Variants in BIN1 observed in about 807,000 individuals in gnomAD.
BIN1 encodes bridging integrator 1.
Under a neutral mutation model 82.0 loss-of-function variants are expected in BIN1, and 53 were observed. The observed-to-expected ratio is 0.65, with a 90% CI of 0.52 to 0.81. BIN1 has a LOEUF of 0.81. Among genes scored for constraint, BIN1 ranks in the 40% least tolerant of loss-of-function variants. The pLI, the probability that BIN1 is intolerant of heterozygous loss-of-function variation, is 0.00. For missense variants in BIN1, 642 were observed against 784.4 expected, an observed-to-expected ratio of 0.82 and a Z score of 2.17; for synonymous variants, 302 against 328.0, an observed-to-expected ratio of 0.92 and a Z score of 0.86.
At position 127,068,498 on chromosome 2, in the gene BIN1, G is replaced by A. The variant is rs1488766477; in HGVS notation, c.520-243C>T. Among the ~76,000 whole-genome samples, 3 of 152,274 alleles carry A rather than the reference G, an allele frequency of 2.0e-5. No homozygotes were observed. The highest frequency in any genetic ancestry group is 2.1e-4 in the South Asian group (1 of 4,826). ...GCAGCACAGGGGGCCCAGCAAGCAC[G>A]GCCCTGCCCGGAGGACGGGGCCACC... On this transcript the variant is annotated intron_variant, in intron 6 of 18. Transcript: ENST00000316724. The surrounding 1 kb of genome is among the most constrained non-coding windows in gnomAD (Gnocchi z 4.9).
At chr2:127,050,971 A>G in intron 16 of BIN1, 59 bp from the exon 17 acceptor site, 1 of 1,567,890 alleles carries the variant, frequency 6.4e-7, no homozygotes, top group Non-Finnish European at 8.8e-7. Context: ...AGCCAGGGCC[A>G]CCGAGGAGAA....
In BIN1 at chr2:127,053,909, C is replaced by T; in HGVS notation, c.1235G>A (p.Gly412Asp). Residue 412 changes from glycine (G) to aspartate (D), a missense_variant, in exon 13 of 19, where the codon GGT becomes GAT. By Grantham distance (94) the Gly-to-Asp change is moderately conservative. Transcript: ENST00000316724. Reference protein sequence around the residue: ...TSPVKAPTPSGQSIPWDLWEP... With the variant: ...TSPVKAPTPSDQSIPWDLWEP... ...GCAGTGGTGGGCACAACCAACCTGACCAGAGGGCGTGGGTGCCTTCACAGG... is the reference window on the plus strand; with the variant it reads ...GCAGTGGTGGGCACAACCAACCTGATCAGAGGGCGTGGGTGCCTTCACAGG... 6.4e-7 allele frequency: 1 copy of T among 1,551,054 alleles called. No individual in the cohort carries two copies. The highest frequency in any genetic ancestry group is 1.4e-5 in the African/African-American group (1 of 73,140).
intron 4 of BIN1, 96 bp downstream of exon 4, chr2:127,070,457 C>G (rs2105074271): frequency 2.7e-6 from 4 of 1,468,490 alleles, no homozygotes; most frequent in Non-Finnish European, 3.8e-6. Context: ...TGCCCGAGAA[C>G]CAGAGAGGCT....
intron 2 of BIN1, among the ~76,000 whole-genome samples, chr2:127,075,624 A>G (rs1346419197): frequency 6.6e-6 from 1 of 152,006 alleles, no homozygotes; most frequent in South Asian, 2.1e-4. Context: ...GCCAAGGCCA[A>G]CTTGGCCCTG....
rs1682902449 is a variant in BIN1 at position 127,051,204 on chromosome 2, C to T, written c.1411G>A (p.Ala471Thr). The T allele has an allele frequency of 6.2e-7, 1 of 1,613,688 alleles. No homozygotes were observed. The highest frequency in any genetic ancestry group is 1.1e-5 in the South Asian group (1 of 91,088). ...ASEVAGGTQP[A>T]AGAQEPGETA... ...TCCCCTGGCTCCTGGGCTCCAGCCG[C>T]AGGTTGGGTCCCACCCGCCACCTCC... Residue 471 changes from alanine to threonine, a missense_variant, in exon 16 of 19, where the codon GCG becomes ACG. Transcript: ENST00000316724.
Position 127,084,981 on chromosome 2 carries a change from C to A in BIN1, c.85-8275G>T, listed in dbSNP as rs74915682. 2.4e-3 allele frequency among the ~76,000 whole-genome samples: 361 copies of A among 152,308 alleles called. 2 individuals carry two copies. Among genetic ancestry groups the A allele is most frequent in the African/African-American group, 8.4e-3 (349 of 41,574 alleles). On this transcript the variant is annotated intron_variant, in intron 1 of 18. Transcript: ENST00000316724. ...GCGTCTTCAGAGCAGCAGTGCTTAACCCAGAAGCTAGCAGTCTCCTGGTGA... is the reference window on the plus strand; with the variant it reads ...GCGTCTTCAGAGCAGCAGTGCTTAAACCAGAAGCTAGCAGTCTCCTGGTGA...
rs1302074860 is a variant in BIN1 at position 127,057,686 on chromosome 2, C to G, written c.1003-85G>C. On this transcript the variant is annotated intron_variant, in intron 11 of 18. Transcript: ENST00000316724. The surrounding 1 kb of genome is among the most constrained non-coding windows in gnomAD (Gnocchi z 5.0). Reference sequence around the variant, plus strand: ...GGGGAGACAGACAGAGACAAAGCCACGGTTAGTCACACCTCAGGCCACAGT... The same window carrying G: ...GGGGAGACAGACAGAGACAAAGCCAGGGTTAGTCACACCTCAGGCCACAGT... The G allele has an allele frequency of 3.5e-6, 5 of 1,417,026 alleles. No homozygotes were observed. The highest frequency in any genetic ancestry group is 4.6e-6 in the Non-Finnish European group (5 of 1,078,906). 87.8% of individuals were successfully genotyped at this position (1,417,026 alleles called of 1,614,324 possible).
intron 10 of BIN1, 42 bp downstream of exon 10, chr2:127,062,073 C>T (rs1316826496): frequency 3.2e-6 from 5 of 1,563,100 alleles, no homozygotes; most frequent in East Asian, 2.3e-5. Context: ...CTGCCCCTGC[C>T]GTGCACACAG....
At chr2:127,084,588 C>T (rs1042486524) in intron 1 of BIN1, among the ~76,000 whole-genome samples, 1 of 152,178 alleles carries the variant, frequency 6.6e-6, no homozygotes, top group Non-Finnish European at 1.5e-5. Flanking sequence ...GGCATTTCAG[C>T]GTTCCCTCAT....
At chr2:127,052,402 G>C in intron 14 of BIN1, 40 bp from the exon 15 acceptor site, 2 of 1,533,350 alleles carry the variant, frequency 1.3e-6, no homozygotes, top group Non-Finnish European at 1.8e-6. Context: ...GAGGGGGCGG[G>C]GAGGCCGGGG....
chr2:127,076,628 G>C lies in BIN1; in HGVS notation c.163C>G (p.Leu55Val), dbSNP rs756941660. The change falls in exon 2 of 19, where the codon CTG (leucine) becomes GTG (valine). Residue 55 changes from leucine to valine, a missense_variant and splice_region_variant. Leu to Val is a conservative substitution (Grantham distance 32, BLOSUM62 1). Transcript: ENST00000316724. ...EQCVQNFNKQLTEGTRLQKDL... is the reference protein window; with the variant it reads ...EQCVQNFNKQVTEGTRLQKDL... ...GGCCAAGGGCCACCCACACTCACCAGCTGCTTGTTGAAATTCTGGACGCAC... is the reference window on the plus strand; with the variant it reads ...GGCCAAGGGCCACCCACACTCACCACCTGCTTGTTGAAATTCTGGACGCAC... The C allele has an allele frequency of 6.2e-7, 1 of 1,614,114 alleles. No homozygotes were observed. The highest frequency in any genetic ancestry group is 8.5e-7 in the Non-Finnish European group (1 of 1,180,032).
intron 2 of BIN1, 125 bp from the exon 3 acceptor site, chr2:127,070,941 T>G: frequency 2.1e-6 from 2 of 941,994 alleles, no homozygotes; most frequent in Non-Finnish European, 3.3e-6. Flanking sequence ...ACTGATCAGC[T>G]GACCTCCCAA....
At chr2:127,081,912 G>C in intron 1 of BIN1, 1 of 1,270,690 alleles carries the variant, frequency 7.9e-7, no homozygotes, top group Non-Finnish European at 1.0e-6. Context: ...CTTCCTCCCA[G>C]CAGAGCCTGC....
At position 127,106,922 on chromosome 2, in the gene BIN1, C is replaced by G; in HGVS notation, c.22G>C (p.Gly8Arg). The stretch of plus-strand genomic sequence containing the variant: ...CTGGCGATCTTTCCCGCCGTCACCC[C>G]TTTACTGCCCATCTCTGCCATCGCG... MAEMGSK[G>R]VTAGKIASNV... Residue 8 changes from glycine (G) to arginine (R), a missense_variant, in exon 1 of 19, where the codon GGG (glycine) becomes CGG (arginine). Gly to Arg is a moderately radical substitution (Grantham distance 125, BLOSUM62 -2). Coordinates refer to ENST00000316724, the MANE Select transcript of BIN1 (RefSeq NM_139343.3). The G allele has an allele frequency of 6.2e-7, 1 of 1,612,604 alleles. No homozygotes were observed. Among genetic ancestry groups the G allele is most frequent in the Non-Finnish European group, 8.5e-7 (1 of 1,179,580 alleles).
chr2:127,054,140 A>T, intron 12 of BIN1, 128 bp from the exon 13 acceptor site: 1 of 763,180 alleles, frequency 1.3e-6, no homozygotes, highest in Non-Finnish European at 2.3e-6. Context: ...ACGCATGCAG[A>T]GCAAGCGCAC....
At position 127,068,743 on chromosome 2, in the gene BIN1, G is replaced by A. The variant is rs963021447; in HGVS notation, c.519+181C>T. Among the ~76,000 whole-genome samples the A allele has an allele frequency of 9.2e-5, 14 of 152,168 alleles. No individual in the cohort carries two copies. The highest frequency in any genetic ancestry group is 2.7e-4 in the African/African-American group (11 of 41,442). On this transcript the variant is annotated intron_variant, in intron 6 of 18. Transcript: ENST00000316724. The surrounding 1 kb of genome is among the most constrained non-coding windows in gnomAD (Gnocchi z 4.9). ...CACGGGGGGCAGGAATGGGCCTAGGGTGGACCTCACCCAGGCACCCACAAG... is the reference window on the plus strand; with the variant it reads ...CACGGGGGGCAGGAATGGGCCTAGGATGGACCTCACCCAGGCACCCACAAG...
At chr2:127,101,042 T>C (rs1680286710) in intron 1 of BIN1, among the ~76,000 whole-genome samples, 1 of 142,708 alleles carries the variant, frequency 7.0e-6, no homozygotes, top group Non-Finnish European at 1.5e-5. Context: ...TAGAGCTTTC[T>C]ACCGCACCCA....
intron 1 of BIN1, among the ~76,000 whole-genome samples, chr2:127,105,500 TC>T (rs1680965848): frequency 7.9e-6 from 1 of 126,424 alleles, no homozygotes; most frequent in East Asian, 2.5e-4. Context: ...CTCCTCCTCC[TC>T]CTTCCCTGGG....
At chr2:127,085,089 G>A (rs1677956398) in intron 1 of BIN1, among the ~76,000 whole-genome samples, 2 of 152,170 alleles carry the variant, frequency 1.3e-5, no homozygotes, top group African/African-American at 4.8e-5. Context: ...GGAGGGGAGG[G>A]CACCCAGACC....
Sources: gnomAD v4.1 joint callset for allele counts (sites outside exome capture counted in the v4.1 genomes callset) on GRCh38, gnomAD v4.1.1 for gene constraint, Gnocchi (gnomAD v3.1) non-coding constraint, MANE v1.5 for transcripts, NCBI Gene and HGNC (gene_info 2026-07-23, HGNC 2026-07-21) for gene names.